Variants in TASOR2 observed in about 807,000 individuals in gnomAD.
The protein encoded by TASOR2 is protein TASOR 2.
TASOR2 carries 84 observed loss-of-function variants against 199.5 expected under a neutral mutation model. That is an observed-to-expected ratio of 0.42 (90% CI 0.35 to 0.50). The LOEUF is 0.50. TASOR2 is among the 20% of genes least tolerant of loss of function. The pLI is 0.02. For missense variants in TASOR2, 2,796 were observed against 2,835.9 expected (o/e 0.99, Z 0.32); for synonymous variants, 1,103 against 1,046.6 (o/e 1.05, Z -1.04).
intron 17 of TASOR2, among the ~76,000 whole-genome samples, chr10:5,758,663 CTACA>C (rs1839324422): frequency 6.6e-6 from 1 of 152,244 alleles, no homozygotes; most frequent in African/African-American, 2.4e-5. Context: ...GTGTTCGTGT[CTACA>C]GAGTTATCTC....
At chr10:5,746,807 T>C in exon 15 of TASOR2, 2 of 1,614,186 alleles carry the variant, frequency 1.2e-6, no homozygotes, top group Non-Finnish European at 1.7e-6. Flanking sequence ...GCCTCGTCAG[T>C]AGGTGGAGAG....
rs1454788827 is a variant in TASOR2 at position 5,751,312 on chromosome 10, A to G, written c.6606+1285A>G. On this transcript the variant is annotated intron_variant, in intron 15 of 20. Coordinates refer to ENST00000328090, the Ensembl canonical transcript of TASOR2. The surrounding 1 kb of genome is among the most constrained non-coding windows in gnomAD (Gnocchi z 5.3). ...ATTCTTATCTGAATCAGTTATTACT[A>G]TGATGATTGCCAAATAGTGATACTG... Among the ~76,000 whole-genome samples, 1 of 152,180 alleles carries G rather than the reference A, an allele frequency of 6.6e-6. No homozygotes were observed. The highest frequency in any genetic ancestry group is 1.5e-5 in the Non-Finnish European group (1 of 68,042).
At position 5,761,317 on chromosome 10, in the gene TASOR2, CA is replaced by C; in HGVS notation, c.7021del (p.Ile2341Ter). ...TGGATTCAACTGCACATAAGAAGAA[CA>C]TAATGTTGAAGTCATTTCAGAGTGC... is the stretch of plus-strand genomic sequence containing the variant. On this transcript the variant is annotated frameshift_variant, in exon 19 of 21. Coordinates refer to ENST00000328090, the Ensembl canonical transcript of TASOR2. LOFTEE classifies it high-confidence loss of function. 1 of 1,613,644 alleles carries C rather than the reference CA, an allele frequency of 6.2e-7. No homozygotes were observed. Among genetic ancestry groups the C allele is most frequent in the Non-Finnish European group, 8.5e-7 (1 of 1,179,804 alleles).
At chr10:5,723,238 G>A (rs1402144869) in intron 6 of TASOR2, among the ~76,000 whole-genome samples, 1 of 151,210 alleles carries the variant, frequency 6.6e-6, no homozygotes, top group Non-Finnish European at 1.5e-5. Context: ...TGTATTTTTA[G>A]TAGAGACGGG....
At chr10:5,724,463 A>T in exon 8 of TASOR2, 1 of 1,540,032 alleles carries the variant, frequency 6.5e-7, no homozygotes. Context: ...AATTTGTATG[A>T]GGTAGAACTG....
chr10:5,735,606 A>G, intron 12 of TASOR2, 60 bp downstream of exon 13: 3 of 1,557,658 alleles, frequency 1.9e-6, no homozygotes, highest in South Asian at 1.2e-5. Flanking sequence ...AGAGAGTGCA[A>G]GATAATTTAT....
At chr10:5,691,915 C>T (rs955702581) in intron 1 of TASOR2, among the ~76,000 whole-genome samples, 3 of 152,176 alleles carry the variant, frequency 2.0e-5, no homozygotes, top group African/African-American at 7.2e-5. Flanking sequence ...TGTTGGCTCA[C>T]GCCTGTAATC....
At position 5,740,236 on chromosome 10, in the gene TASOR2, C is replaced by G; in HGVS notation, c.2066C>G (p.Ala689Gly). ...AATGGGACAAAAAGCCCTGAAGCAG[C>G]AACCCCAGTGGGGAAAGTCATGCCA... The change falls in exon 13 of 21, where the codon GCA becomes GGA. Residue 689 changes from alanine (A) to glycine (G), a missense_variant. This residue lies in a region of TASOR2 where 847 missense variants were observed against 887.4 expected (regional missense o/e 0.95). Transcript: ENST00000328090. The surrounding 1 kb of genome is among the most constrained non-coding windows in gnomAD (Gnocchi z 5.3). The G allele has an allele frequency of 6.2e-7, 1 of 1,614,202 alleles. No individual in the cohort carries two copies. The highest frequency in any genetic ancestry group is 8.5e-7 in the Non-Finnish European group (1 of 1,180,042).
intron 1 of TASOR2, among the ~76,000 whole-genome samples, chr10:5,694,705 A>G (rs1332056722): frequency 6.6e-6 from 1 of 152,216 alleles, no homozygotes; most frequent in Admixed American, 6.5e-5. Context: ...TAGCATGCAT[A>G]AATGAAGAAA....
chr10:5,692,781 C>T (rs74483336), intron 1 of TASOR2: 2,123 of 152,170 alleles, frequency 0.014, 67 homozygotes, highest in Admixed American at 0.082. Context: ...AAAGGCGCCG[C>T]CGGCCCCGCG....
chr10:5,688,264 G>A (rs181362911), intron 1 of TASOR2, among the ~76,000 whole-genome samples: 64 of 152,020 alleles, frequency 4.2e-4, no homozygotes, highest in African/African-American at 1.5e-3. Context: ...TTGCTCTGTC[G>A]CCCAGGCTAG....
At chr10:5,703,792 G>A (rs991984020) in intron 1 of TASOR2, among the ~76,000 whole-genome samples, 10 of 151,964 alleles carry the variant, frequency 6.6e-5, no homozygotes, top group Non-Finnish European at 1.3e-4. Flanking sequence ...GTGAGCCACC[G>A]CGCCCGGCCT....
chr10:5,696,327 GCATTGTTCACGTAC>G, intron 1 of TASOR2, among the ~76,000 whole-genome samples: 1 of 152,304 alleles, frequency 6.6e-6, no homozygotes, highest in East Asian at 1.9e-4. Context: ...TGGTCAGGAA[GCATTGTTCACGTAC>G]CACAGCTTCT....
rs752210260 is a variant in TASOR2, at chr10:5,742,354, A to T, written c.2585A>T (p.His862Leu). 3.7e-5 allele frequency: 60 copies of T among 1,614,064 alleles called. No individual in the cohort carries two copies. Among genetic ancestry groups the T allele is most frequent in the Middle Eastern group, 1.6e-4 (1 of 6,084 alleles). Residue 862 changes from histidine (H) to leucine (L), a missense_variant, in exon 14 of 21, where the codon CAT (histidine) becomes CTT (leucine). By Grantham distance (99) the His-to-Leu change is moderately conservative. Around this residue, in one of 3 missense-constraint regions of TASOR2, gnomAD observed 1,941 missense variants for 1,924.9 expected, o/e 1.01. Coordinates refer to ENST00000328090, the Ensembl canonical transcript of TASOR2. This position sits in a 1 kb window ranked among gnomAD's most constrained non-coding sequence, Gnocchi z 4.2. ...GAGACTAACGAAATTTCCAGGGCTC[A>T]TGCTGCTGAAGTATCCTTCCGTGAT...
At position 5,762,524 on chromosome 10, in the gene TASOR2, T is replaced by TC. The variant is rs1554784601; in HGVS notation, c.7175-8_7175-7insC. 6 of 689,222 alleles carry TC rather than the reference T, an allele frequency of 8.7e-6. No individual in the cohort carries two copies. The highest frequency in any genetic ancestry group is 1.1e-5 in the Non-Finnish European group (5 of 442,258). The allele number at this position is 689,222 out of a possible 1,614,324, so 42.7% of individuals were successfully genotyped here. On this transcript the variant is annotated splice_region_variant and splice_polypyrimidine_tract_variant and intron_variant, in intron 19 of 20. Transcript: ENST00000328090. ...TAACCAAAAGTTGTTTTTTTTTTTT[T>TC]TTAACAGACAAGCCTACTATCCCCA...
exon 19 of TASOR2, chr10:5,761,364 A>G: frequency 6.2e-7 from 1 of 1,614,054 alleles, no homozygotes; most frequent in Non-Finnish European, 8.5e-7. Flanking sequence ...GAATTGCTTC[A>G]TTATCACCAG....
chr10:5,761,893 G>C (rs1839903979), intron 19 of TASOR2: 1 of 153,572 alleles, frequency 6.5e-6, no homozygotes, highest in African/African-American at 2.4e-5. Context: ...AATTAGTCAG[G>C]TGTGGTGGTT....
chr10:5,749,181 G>T (rs548180605), exon 15 of TASOR2: 3 of 1,613,994 alleles, frequency 1.9e-6, no homozygotes, highest in African/African-American at 2.7e-5. Flanking sequence ...ATCTCCACGG[G>T]ATCCTCAGGA....
Position 5,685,374 on chromosome 10 carries a change from C to T in TASOR2, c.-288+199C>T, listed in dbSNP as rs955826037. On this transcript the variant is annotated intron_variant, in intron 1 of 20. Coordinates refer to ENST00000328090, the Ensembl canonical transcript of TASOR2. This position sits in a 1 kb window ranked among gnomAD's most constrained non-coding sequence, Gnocchi z 5.4. Reference sequence around the variant, plus strand: ...TCAACCTTCTGTCCTGCGCTACAACCTGTGGCCGCGCTCGGTGTCGCCGGC... The same window carrying T: ...TCAACCTTCTGTCCTGCGCTACAACTTGTGGCCGCGCTCGGTGTCGCCGGC... Among the ~76,000 whole-genome samples, 5 of 152,074 alleles carry T rather than the reference C, an allele frequency of 3.3e-5. No homozygotes were observed. Among genetic ancestry groups the T allele is most frequent in the African/African-American group, 9.7e-5 (4 of 41,404 alleles).
Sources: gnomAD v4.1 joint callset for allele counts (sites outside exome capture counted in the v4.1 genomes callset) on GRCh38, gnomAD v4.1.1 for gene constraint, gnomAD v4.1.1 regional missense constraint, Gnocchi (gnomAD v3.1) non-coding constraint, MANE v1.5 for transcripts, NCBI Gene and HGNC (gene_info 2026-07-23, HGNC 2026-07-21) for gene names.